Variants in ATP1A4 observed in about 807,000 individuals in gnomAD.
The protein encoded by ATP1A4 is sodium/potassium-transporting ATPase subunit alpha-4.
Under a neutral mutation model 114.3 loss-of-function variants are expected in ATP1A4, and 90 were observed. The ratio of observed to expected loss-of-function variants is 0.79; its 90% CI spans 0.66 to 0.94. The LOEUF (loss-of-function observed/expected upper bound fraction) is 0.94, where lower values mean the gene tolerates loss of function less well. Ranked by LOEUF, ATP1A4 falls within the 40% of genes least tolerant of loss-of-function variation. The pLI is 0.00. For missense variants in ATP1A4, 1,222 were observed against 1,313.6 expected, an observed-to-expected ratio of 0.93 and a Z score of 1.08; for synonymous variants, 511 against 494.1, an observed-to-expected ratio of 1.03 and a Z score of -0.45.
intron 7 of ATP1A4, among the ~76,000 whole-genome samples, chr1:160,164,685 T>C (rs567382362): frequency 6.6e-6 from 1 of 152,338 alleles, no homozygotes; most frequent in Non-Finnish European, 1.5e-5. Context: ...GAGTGAGTTC[T>C]AGTATTGGCT....
chr1:160,179,046 G>T (rs1335698935), intron 18 of ATP1A4, among the ~76,000 whole-genome samples: 1 of 152,214 alleles, frequency 6.6e-6, no homozygotes, highest in African/African-American at 2.4e-5. Flanking sequence ...ATCCCTAAAA[G>T]AGCTGGACTT....
intron 10 of ATP1A4, 157 bp downstream of exon 10, chr1:160,167,569 C>T (rs1653086571): frequency 1.4e-5 from 14 of 1,021,814 alleles, no homozygotes; most frequent in Admixed American, 1.1e-4. Flanking sequence ...ATCAAGAGAA[C>T]GTGACAAACA....
intron 1 of ATP1A4, 55 bp from the exon 2 acceptor site, chr1:160,153,110 C>G: frequency 7.0e-7 from 1 of 1,430,212 alleles, no homozygotes; most frequent in Non-Finnish European, 9.9e-7. Flanking sequence ...TCCCCCTCTC[C>G]CTGGAAATGA....
rs150693480 is a variant in ATP1A4 at position 160,166,613 on chromosome 1, C to T, written c.1133C>T (p.Thr378Met). ...GAGGCGGTGGAGACGCTGGGCTCCA[C>T]GTCCACCATCTGCTCAGACAAGACG... ...NLEAVETLGS[T>M]STICSDKTGT... Residue 378 changes from threonine to methionine, a missense_variant, in exon 8 of 22, where the codon ACG becomes ATG. Thr to Met is a moderately conservative substitution (Grantham distance 81, BLOSUM62 -1). Coordinates refer to ENST00000368081, the MANE Select transcript of ATP1A4 (RefSeq NM_144699.4). The T allele has an allele frequency of 4.6e-5, 74 of 1,614,112 alleles. No individual in the cohort carries two copies. The highest frequency in any genetic ancestry group is 1.3e-4 in the African/African-American group (10 of 74,942).
intron 17 of ATP1A4, 35 bp downstream of exon 17, chr1:160,176,637 G>A (rs748625726): frequency 6.2e-7 from 1 of 1,603,374 alleles, no homozygotes; most frequent in Non-Finnish European, 8.5e-7. Flanking sequence ...GAGGGAGCAG[G>A]GAGTGGTTTC....
intron 20 of ATP1A4, 28 bp from the exon 21 acceptor site, chr1:160,186,248 C>T (rs779663493): frequency 5.3e-6 from 8 of 1,505,456 alleles, no homozygotes; most frequent in Non-Finnish European, 9.2e-7. Context: ...TCTCTCCTGC[C>T]ATGCTGACTG....
intron 17 of ATP1A4, 110 bp from the exon 18 acceptor site, chr1:160,177,409 C>T (rs1041652024): frequency 1.0e-5 from 12 of 1,170,704 alleles, no homozygotes; most frequent in Non-Finnish European, 1.5e-5. Flanking sequence ...TCTTCAGACA[C>T]ACACCAGCCC....
rs1653705027 is a variant in ATP1A4, at chr1:160,181,613, G to C, written c.2737-71G>C. 8 of 1,554,848 alleles carry C rather than the reference G, an allele frequency of 5.1e-6. No individual in the cohort carries two copies. The South Asian group carries it at 8.3e-5, about 16-fold the overall frequency. On this transcript the variant is annotated intron_variant, in intron 18 of 21. Coordinates refer to ENST00000368081, the MANE Select transcript of ATP1A4 (RefSeq NM_144699.4). ...TCAGCCCAGGGGTCCTGGAAGGTGG[G>C]AGAGGAAAGAAGCCTTAGGGTGTAC...
At chr1:160,170,960 C>T in intron 10 of ATP1A4, 1 of 295,298 alleles carries the variant, frequency 3.4e-6, no homozygotes, top group Admixed American at 4.8e-5. Flanking sequence ...TCTCGCCATC[C>T]AGTTGGCAAG....
intron 1 of ATP1A4, 108 bp from the exon 2 acceptor site, chr1:160,153,057 A>G: frequency 1.1e-6 from 1 of 882,206 alleles, no homozygotes; most frequent in East Asian, 2.4e-5. Flanking sequence ...AGCTTACAAA[A>G]TGGAGCAGTC....
chr1:160,176,280 G>T (rs1653461126), intron 16 of ATP1A4, 34 bp downstream of exon 16: 2 of 1,612,408 alleles, frequency 1.2e-6, no homozygotes, highest in African/African-American at 2.7e-5. Context: ...GAGATTCCCA[G>T]AATTCTGCCT....
Position 160,174,106 on chromosome 1 carries a change from C to G in ATP1A4, c.1992-5C>G, listed in dbSNP as rs1423044150. 1 of 1,612,576 alleles carries G rather than the reference C, an allele frequency of 6.2e-7. No individual in the cohort carries two copies. Among genetic ancestry groups the G allele is most frequent in the Non-Finnish European group, 8.5e-7 (1 of 1,179,442 alleles). On this transcript the variant is annotated splice_region_variant and splice_polypyrimidine_tract_variant and intron_variant, in intron 13 of 21. Coordinates refer to ENST00000368081, the MANE Select transcript of ATP1A4 (RefSeq NM_144699.4). The stretch of plus-strand genomic sequence containing the variant: ...AACTAGCCTTTTGAAATTATTTTCC[C>G]TCAGTGCTGCCAAAGCCATTGTGGT...
At chr1:160,163,701 C>T (rs1652936162) in intron 6 of ATP1A4, among the ~76,000 whole-genome samples, 1 of 152,116 alleles carries the variant, frequency 6.6e-6, no homozygotes, top group African/African-American at 2.4e-5. Flanking sequence ...ATGGAGATTT[C>T]ATTACATAGG....
In ATP1A4 at chr1:160,166,615, T is replaced by C. The variant is rs201897548; in HGVS notation, c.1135T>C (p.Ser379Pro). 8.1e-6 allele frequency: 13 copies of C among 1,614,168 alleles called. No homozygotes were observed. The Admixed American group carries it at 2.2e-4, about 27-fold the overall frequency. ...GGCGGTGGAGACGCTGGGCTCCACG[T>C]CCACCATCTGCTCAGACAAGACGGG... ...LEAVETLGSTSTICSDKTGTL... is the reference protein window; with the variant it reads ...LEAVETLGSTPTICSDKTGTL... Residue 379 changes from serine to proline, a missense_variant, in exon 8 of 22, where the codon TCC becomes CCC. Physicochemically the swap from Ser to Pro is moderately conservative, Grantham distance 74. Transcript: ENST00000368081.
At position 160,174,625 on chromosome 1, in the gene ATP1A4, C is replaced by A. The variant is rs377309643; in HGVS notation, c.2189C>A (p.Ala730Glu). 9 of 1,614,082 alleles carry A rather than the reference C, an allele frequency of 5.6e-6. No homozygotes were observed. Among genetic ancestry groups the A allele is most frequent in the African/African-American group, 1.3e-5 (1 of 74,910 alleles). Residue 730 changes from alanine (A) to glutamate (E), a missense_variant, in exon 15 of 22, where the codon GCG becomes GAG. Transcript: ENST00000368081. ...VTGDGVNDSPALKKADIGIAM... is the reference protein window; with the variant it reads ...VTGDGVNDSPELKKADIGIAM... ...GGTGACGGGGTGAACGACTCCCCTG[C>A]GCTGAAGAAGGCTGACATTGGCATT...
At chr1:160,168,702 A>T (rs566073445) in intron 10 of ATP1A4, among the ~76,000 whole-genome samples, 96 of 152,222 alleles carry the variant, frequency 6.3e-4, no homozygotes, top group African/African-American at 2.0e-3. Context: ...AATTTTTTTT[A>T]ACTGAATTAC....
rs1309453238 is a variant in ATP1A4, at chr1:160,174,165, G to A, written c.2046G>A (p.Lys682=). Reference sequence around the variant, plus strand: ...CAGAACTGAAGGACATACAGTCCAAGCAGCTTGATCAGATCCTCCAGAACC... The same window carrying A: ...CAGAACTGAAGGACATACAGTCCAAACAGCTTGATCAGATCCTCCAGAACC... ...HGAELKDIQS[K]QLDQILQNHP... The change falls in exon 14 of 22, where the codon AAG becomes AAA. Residue 682 remains lysine, a synonymous_variant. Coordinates refer to ENST00000368081, the MANE Select transcript of ATP1A4 (RefSeq NM_144699.4). The A allele has an allele frequency of 1.2e-6, 2 of 1,614,088 alleles. No homozygotes were observed. Among genetic ancestry groups the A allele is most frequent in the African/African-American group, 2.7e-5 (2 of 74,930 alleles).
chr1:160,166,694 T>C lies in ATP1A4; in HGVS notation c.1214T>C (p.Val405Ala), dbSNP rs1302512757. 1 of 1,613,896 alleles carries C rather than the reference T, an allele frequency of 6.2e-7. No individual in the cohort carries two copies. The highest frequency in any genetic ancestry group is 1.3e-5 in the African/African-American group (1 of 74,850). ...GCCCACATGTGGTTTGATATGACCGTGTATGAGGCCGACACCACTGAAGAA... is the reference window on the plus strand; with the variant it reads ...GCCCACATGTGGTTTGATATGACCGCGTATGAGGCCGACACCACTGAAGAA... ...TVAHMWFDMTVYEADTTEEQT... is the reference protein window; with the variant it reads ...TVAHMWFDMTAYEADTTEEQT... Residue 405 changes from valine (V) to alanine (A), a missense_variant, in exon 8 of 22, where the codon GTG becomes GCG. By Grantham distance (64) the Val-to-Ala change is moderately conservative. Transcript: ENST00000368081.
At chr1:160,164,736 T>A (rs1652973913) in intron 7 of ATP1A4, among the ~76,000 whole-genome samples, 1 of 152,192 alleles carries the variant, frequency 6.6e-6, no homozygotes, top group African/African-American at 2.4e-5. Flanking sequence ...ATTCATCAGT[T>A]TATGGAGGAA....
Sources: gnomAD v4.1 joint callset for allele counts (sites outside exome capture counted in the v4.1 genomes callset) on GRCh38, gnomAD v4.1.1 for gene constraint, MANE v1.5 for transcripts, NCBI Gene and HGNC (gene_info 2026-07-23, HGNC 2026-07-21) for gene names.